PRSS36: variants seen among roughly 807,000 people sequenced by gnomAD.
The protein encoded by PRSS36 is polyserase-2.
In PRSS36, 90 loss-of-function variants were observed where a neutral mutation model predicts 94.3. The observed-to-expected ratio is 0.95, with a 90% CI of 0.80 to 1.14. The LOEUF (loss-of-function observed/expected upper bound fraction) is 1.14. Among genes scored for constraint, PRSS36 ranks in the 50% most tolerant of loss-of-function variants. The pLI is 0.00. For missense variants in PRSS36, 1,158 were observed against 1,135.0 expected, an observed-to-expected ratio of 1.02 and a Z score of -0.29; for synonymous variants, 500 against 489.6, an observed-to-expected ratio of 1.02 and a Z score of -0.28.
chr16:31,148,518 GCAGCA>G lies in PRSS36; in HGVS notation c.425_429del (p.Leu142ProfsTer99). On this transcript the variant is annotated frameshift_variant, in exon 5 of 15. Transcript: ENST00000268281. LOFTEE classifies it high-confidence loss of function. The stretch of plus-strand genomic sequence containing the variant: ...CCCAGGCTGGCGGGTGAGGCCAGGC[GCAGCA>G]GGGCCAGGTCGGCGCCCAGCTCCAC... 9.5e-6 allele frequency: 15 copies of G among 1,586,884 alleles called. No homozygotes were observed. Among genetic ancestry groups the G allele is most frequent in the African/African-American group, 1.3e-5 (1 of 74,346 alleles).
At chr16:31,146,060 T>C (rs1040512001) in intron 5 of PRSS36, 105 bp from the exon 6 acceptor site, 2 of 1,062,354 alleles carry the variant, frequency 1.9e-6, no homozygotes, top group African/African-American at 3.2e-5. Flanking sequence ...ATCAGCTAGA[T>C]GCCCCATGGC....
chr16:31,147,171 G>A (rs1400590068), intron 5 of PRSS36, among the ~76,000 whole-genome samples: 1 of 151,962 alleles, frequency 6.6e-6, no homozygotes, highest in East Asian at 1.9e-4. Flanking sequence ...TGCAGCCCAG[G>A]TGCCTGTACC....
At chr16:31,143,524 A>G in intron 7 of PRSS36, 53 bp from the exon 8 acceptor site, 2 of 1,607,938 alleles carry the variant, frequency 1.2e-6, no homozygotes, top group Non-Finnish European at 1.7e-6. Context: ...AATCACTCCC[A>G]GCAGTCTCCA....
chr16:31,148,277 C>A (rs1033538153), intron 5 of PRSS36, 118 bp downstream of exon 5: 3 of 1,148,958 alleles, frequency 2.6e-6, no homozygotes, highest in Non-Finnish European at 3.5e-6. Flanking sequence ...AACCTACCCT[C>A]CAACGCTCCC....
At position 31,139,114 on chromosome 16, in the gene PRSS36, A is replaced by C. The variant is rs1240202236; in HGVS notation, c.*24T>G. The C allele has an allele frequency of 6.6e-7, 1 of 1,517,230 alleles. No individual in the cohort carries two copies. Among genetic ancestry groups the C allele is most frequent in the East Asian group, 2.3e-5 (1 of 42,914 alleles). 94.0% of individuals were successfully genotyped at this position (1,517,230 alleles called of 1,614,324 possible). ...GGGAAGTAGAGGGTGGAGAAGGGGG[A>C]AGTGGTGCTGGGACCCTAGCCCCTC... On this transcript the variant is annotated 3_prime_UTR_variant, in exon 15 of 15. Coordinates refer to ENST00000268281, the MANE Select transcript of PRSS36 (RefSeq NM_173502.5).
intron 8 of PRSS36, 50 bp from the exon 9 acceptor site, chr16:31,143,043 G>A: frequency 7.3e-7 from 1 of 1,374,856 alleles, no homozygotes; most frequent in South Asian, 1.7e-5. Context: ...ACACGTGGCT[G>A]GAAACCTCAC....
In PRSS36 at chr16:31,141,508, G is replaced by A. The variant is rs770036402; in HGVS notation, c.1862C>T (p.Ala621Val). Residue 621 changes from alanine to valine, a missense_variant, in exon 12 of 15, where the codon GCC becomes GTC. Physicochemically the swap from Ala to Val is moderately conservative, Grantham distance 64. Coordinates refer to ENST00000268281, the MANE Select transcript of PRSS36 (RefSeq NM_173502.5). ...AGTGGCTGCCAGGACCCAGCCTGGG[G>A]CCAGGAGGATCCCAGTGCAGACTCG... Reference protein sequence around the residue: ...GDRVCTGILLAPGWVLAATHC... With the variant: ...GDRVCTGILLVPGWVLAATHC... The A allele has an allele frequency of 1.9e-6, 3 of 1,612,866 alleles. No individual in the cohort carries two copies. The African/African-American group carries it at 4.0e-5, about 22-fold the overall frequency.
chr16:31,142,658 G>C lies in PRSS36; in HGVS notation c.1358-14C>G, dbSNP rs1355341571. On this transcript the variant is annotated splice_polypyrimidine_tract_variant and intron_variant, in intron 9 of 14. Coordinates refer to ENST00000268281, the MANE Select transcript of PRSS36 (RefSeq NM_173502.5). The stretch of plus-strand genomic sequence containing the variant: ...CAAGCGCGGGTTCTGGAAGGGAAAA[G>C]GCAGGGAGCCCGCGCTGCGGCCCAG... The C allele has an allele frequency of 7.0e-7, 1 of 1,432,530 alleles. No individual in the cohort carries two copies. Among genetic ancestry groups the C allele is most frequent in the African/African-American group, 1.5e-5 (1 of 67,032 alleles). The allele number at this position is 1,432,530 out of a possible 1,614,324, so 88.7% of individuals were successfully genotyped here.
At chr16:31,147,319 G>A (rs1210522511) in intron 5 of PRSS36, among the ~76,000 whole-genome samples, 1 of 152,070 alleles carries the variant, frequency 6.6e-6, no homozygotes, top group Non-Finnish European at 1.5e-5. Context: ...CTCCCTCTCT[G>A]GGTGCCCATT....
At chr16:31,143,899 A>G (rs2057758634) in intron 6 of PRSS36, 62 bp from the exon 7 acceptor site, 2 of 1,596,274 alleles carry the variant, frequency 1.3e-6, no homozygotes, top group Non-Finnish European at 1.7e-6. Context: ...AAGGTCCTGC[A>G]CCTCCTTTTG....
Position 31,143,591 on chromosome 16 carries a change from G to A in PRSS36, c.967C>T (p.Pro323Ser), listed in dbSNP as rs999297531. ...PREENCTIAL[P>S]ECGKAPRPGA... ...TCCAGGGGTGCCGCCCACTCACCAG[G>A]CAGGGCAATGGTGCAGTTCTCCTCC... The change falls in exon 7 of 15, where the codon CCT becomes TCT. Residue 323 changes from proline to serine, a missense_variant. Transcript: ENST00000268281. 6.2e-7 allele frequency: 1 copy of A among 1,613,978 alleles called. No individual in the cohort carries two copies. The highest frequency in any genetic ancestry group is 1.3e-5 in the African/African-American group (1 of 74,938).
chr16:31,142,452 G>T (rs909166342), intron 10 of PRSS36, 29 bp downstream of exon 10: 3 of 1,413,846 alleles, frequency 2.1e-6, no homozygotes, highest in Middle Eastern at 2.6e-4. Flanking sequence ...TCGGGCCCGC[G>T]TTCCGCGGGC....
chr16:31,147,759 T>C (rs1189104855), intron 5 of PRSS36, among the ~76,000 whole-genome samples: 3 of 151,938 alleles, frequency 2.0e-5, no homozygotes, highest in Non-Finnish European at 4.4e-5. Flanking sequence ...AATGATTGAA[T>C]GAATGATGGT....
chr16:31,144,599 G>A (rs987085027), intron 6 of PRSS36, among the ~76,000 whole-genome samples: 7 of 152,220 alleles, frequency 4.6e-5, no homozygotes, highest in South Asian at 2.1e-4. Flanking sequence ...ATGAGTCACT[G>A]CTCCTGGCTA....
chr16:31,149,193 G>C lies in PRSS36; in HGVS notation c.152C>G (p.Ser51Ter), dbSNP rs2057857196. 1.3e-6 allele frequency: 2 copies of C among 1,569,600 alleles called. No individual in the cohort carries two copies. Among genetic ancestry groups the C allele is most frequent in the African/African-American group, 2.7e-5 (2 of 74,182 alleles). Residue 51 changes from serine to a stop codon, truncating the protein, a stop_gained, in exon 4 of 15, where the codon TCA becomes TGA. Transcript: ENST00000268281. LOFTEE classifies it high-confidence loss of function. ...AGGCCAGGTGCCCGGCTGCGCGTTTGAGCCCCCCACGATGCGGGCCGAGGG... is the reference window on the plus strand; with the variant it reads ...AGGCCAGGTGCCCGGCTGCGCGTTTCAGCCCCCCACGATGCGGGCCGAGGG... ...PEPSARIVGG[S>*]NAQPGTWPWQ...
intron 6 of PRSS36, among the ~76,000 whole-genome samples, chr16:31,144,540 T>C (rs1378328000): frequency 6.6e-6 from 1 of 152,180 alleles, no homozygotes; most frequent in Non-Finnish European, 1.5e-5. Flanking sequence ...ACTCCTGGGC[T>C]CAAGTGATCC....
intron 1 of PRSS36, 54 bp from the exon 2 acceptor site, chr16:31,149,785 C>T (rs2057869870): frequency 6.2e-7 from 1 of 1,611,546 alleles, no homozygotes; most frequent in Non-Finnish European, 8.5e-7. Context: ...TCAGTATGTG[C>T]CCTCCCTGAC....
At position 31,142,735 on chromosome 16, in the gene PRSS36, A is replaced by AC; in HGVS notation, c.1357+1dup. ...CCGGCCCAGCGCCGGTCCCCAGCTC[A>AC]CCCCCGCGGCCCCAGCGGGCCAGGC... On this transcript the variant is annotated splice_donor_variant, in intron 9 of 14. Transcript: ENST00000268281. LOFTEE classifies it high-confidence loss of function. 2.9e-6 allele frequency: 4 copies of AC among 1,363,382 alleles called. No homozygotes were observed. The highest frequency in any genetic ancestry group is 3.8e-6 in the Non-Finnish European group (4 of 1,056,206). 84.5% of individuals were successfully genotyped at this position (1,363,382 alleles called of 1,614,324 possible).
rs897610708 is a variant in PRSS36 at position 31,139,041 on chromosome 16, G to T, written c.*97C>A. On this transcript the variant is annotated 3_prime_UTR_variant, in exon 15 of 15. Coordinates refer to ENST00000268281, the MANE Select transcript of PRSS36 (RefSeq NM_173502.5). The stretch of plus-strand genomic sequence containing the variant: ...GAGCCGCTGCAATCTCGGTGGGTGG[G>T]GCCCTTGAGGTTCCAGCCGGCTGGG... The T allele has an allele frequency of 9.6e-6, 13 of 1,353,536 alleles. No homozygotes were observed. Among genetic ancestry groups the T allele is most frequent in the Non-Finnish European group, 1.0e-6 (1 of 1,003,116 alleles). The allele number at this position is 1,353,536 out of a possible 1,614,324, so 83.8% of individuals were successfully genotyped here.
Sources: allele counts gnomAD v4.1 joint callset (sites outside exome capture counted in the v4.1 genomes callset), GRCh38; gene constraint gnomAD v4.1.1; transcripts MANE v1.5; gene names NCBI Gene and HGNC (gene_info 2026-07-23, HGNC 2026-07-21).